The following ADGRL2 variants were observed in gnomAD, a reference collection of about 807,000 sequenced individuals.
ADGRL2 encodes adhesion G protein-coupled receptor L2, also known as calcium-independent alpha-latrotoxin receptor 2.
Under a neutral mutation model 157.4 loss-of-function variants are expected in ADGRL2, and 44 were observed. The observed-to-expected ratio is 0.28, with a 90% CI of 0.22 to 0.36. The LOEUF (loss-of-function observed/expected upper bound fraction) is 0.36, where lower values mean the gene tolerates loss of function less well. Among genes scored for constraint, ADGRL2 ranks in the 10% least tolerant of loss-of-function variants. The probability of loss-of-function intolerance (pLI) is 1.00; values close to 1 mark genes in which losing one functional copy is unlikely to be tolerated. For missense variants in ADGRL2, 1,510 were observed against 1,768.9 expected (o/e 0.85, Z 2.63); for synonymous variants, 585 against 624.7 (o/e 0.94, Z 0.95).
chr1:81,321,082 C>T (rs1167324547), intron 1 of ADGRL2, among the ~76,000 whole-genome samples: 1 of 152,190 alleles, frequency 6.6e-6, no homozygotes, highest in Non-Finnish European at 1.5e-5. Context: ...TACATCAGCA[C>T]TTGCTTCACC....
chr1:81,969,948 T>C (rs1040120889), intron 15 of ADGRL2, among the ~76,000 whole-genome samples: 18 of 152,164 alleles, frequency 1.2e-4, no homozygotes, highest in Non-Finnish European at 1.9e-4. Context: ...AACAACACTT[T>C]TAAAGACTTG....
intron 1 of ADGRL2, among the ~76,000 whole-genome samples, chr1:81,752,644 C>T (rs2085527912): frequency 6.6e-6 from 1 of 152,146 alleles, no homozygotes; most frequent in East Asian, 1.9e-4. Flanking sequence ...CCACCTTAGC[C>T]TCCTGAGTAG....
chr1:81,690,428 G>A (rs2083309140), intron 3 of ADGRL2, among the ~76,000 whole-genome samples: 1 of 152,162 alleles, frequency 6.6e-6, no homozygotes, highest in Admixed American at 6.5e-5. Context: ...CCCCGGAGGT[G>A]GAGATTGCGG....
At chr1:81,784,675 C>G (rs2086954622) in intron 2 of ADGRL2, among the ~76,000 whole-genome samples, 1 of 145,314 alleles carries the variant, frequency 6.9e-6, no homozygotes, top group Admixed American at 7.2e-5. Context: ...TTTTAGTGAG[C>G]TGAGATCATG....
chr1:81,932,664 A>G (rs765559310), intron 3 of ADGRL2, among the ~76,000 whole-genome samples: 54 of 152,124 alleles, frequency 3.5e-4, no homozygotes, highest in Admixed American at 2.8e-3. Flanking sequence ...GAACCTGCCA[A>G]TTTTTGGTGC....
intron 3 of ADGRL2, among the ~76,000 whole-genome samples, chr1:81,608,427 T>A (rs2081476322): frequency 6.6e-6 from 1 of 152,190 alleles, no homozygotes; most frequent in South Asian, 2.1e-4. Context: ...TGTTATACTT[T>A]GCTAAAGTCT....
intron 1 of ADGRL2, among the ~76,000 whole-genome samples, chr1:81,727,151 C>A (rs1464542572): frequency 6.6e-6 from 1 of 152,150 alleles, no homozygotes; most frequent in Non-Finnish European, 1.5e-5. Context: ...CCAAGACAGG[C>A]AGGGTTCTTG....
Position 81,502,822 on chromosome 1 carries a change from G to A in ADGRL2, c.-248+57733G>A, listed in dbSNP as rs2078883318. ...CTACTCACCTGCTGCGGCTACTGCT[G>A]CTGCCGCTGCCGAGGCCCCTGCCCT... On this transcript the variant is annotated intron_variant, in intron 2 of 24. Transcript: ENST00000370721. 1.4e-5 allele frequency: 22 copies of A among 1,612,028 alleles called. No individual in the cohort carries two copies. In the South Asian group the frequency reaches 2.4e-4, roughly 18 times the overall value.
chr1:81,343,419 T>A (rs1280825708), intron 1 of ADGRL2, among the ~76,000 whole-genome samples: 1 of 152,212 alleles, frequency 6.6e-6, no homozygotes, highest in African/African-American at 2.4e-5. Flanking sequence ...TAAATTGTTA[T>A]ATTTATAATT....
chr1:81,469,628 T>TA (rs1005784807), intron 2 of ADGRL2, among the ~76,000 whole-genome samples: 2 of 152,156 alleles, frequency 1.3e-5, no homozygotes, highest in African/African-American at 4.8e-5. Flanking sequence ...CCCTTTTATC[T>TA]AAAAAAACCA....
intron 2 of ADGRL2, among the ~76,000 whole-genome samples, chr1:81,516,644 T>C (rs544223738): frequency 4.3e-4 from 65 of 152,364 alleles, no homozygotes; most frequent in Non-Finnish European, 2.8e-4. Context: ...CCAACTTCTA[T>C]TCGGGAACGT....
chr1:81,500,865 A>G (rs1210904270), intron 2 of ADGRL2, among the ~76,000 whole-genome samples: 1 of 152,196 alleles, frequency 6.6e-6, no homozygotes, highest in East Asian at 1.9e-4. Flanking sequence ...GATAAACCAA[A>G]TTTCTTGAAA....
intron 1 of ADGRL2, among the ~76,000 whole-genome samples, chr1:81,702,693 A>G (rs1411217019): frequency 6.6e-6 from 1 of 152,212 alleles, no homozygotes; most frequent in South Asian, 2.1e-4. Flanking sequence ...TTAAGAAAAC[A>G]CCATCTTGCT....
chr1:81,881,286 C>T (rs907895485), intron 2 of ADGRL2, among the ~76,000 whole-genome samples: 3 of 152,220 alleles, frequency 2.0e-5, no homozygotes, highest in African/African-American at 7.2e-5. Context: ...CGCCATTCTC[C>T]TGCCTCAGCC....
chr1:81,703,023 G>C (rs1259056405), intron 1 of ADGRL2, among the ~76,000 whole-genome samples: 1 of 152,186 alleles, frequency 6.6e-6, no homozygotes, highest in Non-Finnish European at 1.5e-5. Context: ...CAACACACTG[G>C]GGTAGTTCAG....
chr1:81,663,550 G>A (rs2082698821), intron 3 of ADGRL2, among the ~76,000 whole-genome samples: 1 of 152,176 alleles, frequency 6.6e-6, no homozygotes, highest in African/African-American at 2.4e-5. Context: ...GTGCAAAGAG[G>A]AAGTTTTCCT....
chr1:81,682,103 A>ATACATATATATGTGTGTGTGTGTG (rs141980830), intron 3 of ADGRL2, among the ~76,000 whole-genome samples: 1 of 147,928 alleles, frequency 6.8e-6, no homozygotes, highest in Non-Finnish European at 1.5e-5. Context: ...ATACATATAT[A>ATACATATATATGTGTGTGTGTGTG]TGTGTGTGTG....
intron 2 of ADGRL2, among the ~76,000 whole-genome samples, chr1:81,511,178 T>C (rs2079068449): frequency 6.6e-6 from 1 of 151,696 alleles, no homozygotes; most frequent in Non-Finnish European, 1.5e-5. Context: ...TATTTGACTG[T>C]TTAGAACACA....
intron 1 of ADGRL2, chr1:81,426,484 C>T: frequency 7.6e-6 from 3 of 394,264 alleles, no homozygotes; most frequent in South Asian, 1.9e-5. Context: ...GCCCAGTGGC[C>T]CCAAGCCCAA....
Sources: gnomAD v4.1 joint callset for allele counts (sites outside exome capture counted in the v4.1 genomes callset) on GRCh38, gnomAD v4.1.1 for gene constraint, MANE v1.5 for transcripts, NCBI Gene and HGNC (gene_info 2026-07-23, HGNC 2026-07-21) for gene names.